The following METTL15 variants were observed in gnomAD, a reference collection of about 807,000 sequenced individuals.
METTL15 encodes 12S rRNA N(4)-cytidine methyltransferase METTL15.
Under a neutral mutation model 38.3 loss-of-function variants are expected in METTL15, and 34 were observed. The observed-to-expected ratio is 0.89, with a 90% CI of 0.68 to 1.18. The LOEUF is 1.18. Among genes scored for constraint, METTL15 ranks in the 50% most tolerant of loss-of-function variants. METTL15 has a pLI of 0.00. For synonymous variants in METTL15, 162 were observed against 170.9 expected (o/e 0.95, Z 0.41); for missense variants, 438 against 498.4 (o/e 0.88, Z 1.15).
At chr11:28,190,456 AAAG>A (rs1016690131) in intron 3 of METTL15, among the ~76,000 whole-genome samples, 23 of 151,190 alleles carry the variant, frequency 1.5e-4, no homozygotes, top group African/African-American at 5.1e-4. Context: ...TTAAGAGTGC[AAAG>A]AAGATCGTTC....
intron 6 of METTL15, chr11:28,517,043 C>T (rs1204819537): frequency 6.6e-6 from 1 of 152,224 alleles, no homozygotes; most frequent in African/African-American, 2.4e-5. Flanking sequence ...ATGGGAACAT[C>T]GAAACATTTC....
intron 3 of METTL15, among the ~76,000 whole-genome samples, chr11:28,159,858 A>T (rs762291902): frequency 1.3e-5 from 2 of 152,142 alleles, no homozygotes; most frequent in Non-Finnish European, 2.9e-5. Flanking sequence ...GGAGATGTGT[A>T]TGAGTTCAAG....
At position 28,194,968 on chromosome 11, in the gene METTL15, G is replaced by A. The variant is rs528994800; in HGVS notation, c.271-16094G>A. 2.0e-3 allele frequency among the ~76,000 whole-genome samples: 302 copies of A among 152,006 alleles called. 1 individual carries two copies. The highest frequency in any genetic ancestry group is 5.9e-3 in the African/African-American group (246 of 41,460). On this transcript the variant is annotated intron_variant, in intron 3 of 6. Transcript: ENST00000407364. ...CATGGAGTATTTGGTTTTCCATTCC[G>A]GAGTTACTTTACTTAGAATAATGAT...
At chr11:28,458,789 A>G (rs1269345526) in intron 6 of METTL15, among the ~76,000 whole-genome samples, 1 of 152,212 alleles carries the variant, frequency 6.6e-6, no homozygotes, top group Non-Finnish European at 1.5e-5. Context: ...CTACATAAAT[A>G]TATTTCTCTT....
intron 4 of METTL15, among the ~76,000 whole-genome samples, chr11:28,270,168 A>G (rs1855585642): frequency 6.6e-6 from 1 of 152,118 alleles, no homozygotes; most frequent in Non-Finnish European, 1.5e-5. Context: ...GAAAATTCAA[A>G]TTTTTATATA....
At chr11:28,226,446 T>C (rs1188063134) in intron 4 of METTL15, among the ~76,000 whole-genome samples, 1 of 151,820 alleles carries the variant, frequency 6.6e-6, no homozygotes, top group African/African-American at 2.4e-5. Flanking sequence ...AATTAGAGAG[T>C]TACAAAAATA....
At chr11:28,343,219 A>G (rs1849968827) in intron 3 of METTL15, among the ~76,000 whole-genome samples, 1 of 152,042 alleles carries the variant, frequency 6.6e-6, no homozygotes, top group African/African-American at 2.4e-5. Context: ...GGAGAAGAAA[A>G]AAAAAAAAAA....
rs142581462 is a variant in METTL15 at position 28,215,660 on chromosome 11, TATA to T, written c.407+4465_407+4467del. Among the ~76,000 whole-genome samples, 658 of 152,206 alleles carry T rather than the reference TATA, an allele frequency of 4.3e-3. 7 individuals carry two copies. Among genetic ancestry groups the T allele is most frequent in the African/African-American group, 0.014 (595 of 41,532 alleles). ...AGCACACTTCCAAGTTAAAGAAAAC[TATA>T]ATGTTTTTGAAGGGCATACAAGAAG... On this transcript the variant is annotated intron_variant, in intron 4 of 6. Coordinates refer to ENST00000407364, the MANE Select transcript of METTL15 (RefSeq NM_001113528.2).
intron 6 of METTL15, among the ~76,000 whole-genome samples, chr11:28,458,076 G>C (rs1251634437): frequency 6.6e-6 from 1 of 152,184 alleles, no homozygotes; most frequent in Non-Finnish European, 1.5e-5. Context: ...TTCATGAGGA[G>C]ATGGGGTGAC....
intron 3 of METTL15, among the ~76,000 whole-genome samples, chr11:28,344,168 T>C (rs558094663): frequency 6.6e-6 from 1 of 152,310 alleles, no homozygotes; most frequent in South Asian, 2.1e-4. Flanking sequence ...TTCCATGATA[T>C]AGTTTTCTCA....
Position 28,113,477 on chromosome 11 carries a change from A to G in METTL15, c.143A>G (p.Gln48Arg), listed in dbSNP as rs1332382844. ...TATAGAGAATATGAAGCCCGGGAGC[A>G]AACAGATCAAACTCAAGCCCAGGAG... ...EKYREYEARE[Q>R]TDQTQAQELH... The change falls in exon 3 of 7, where the codon CAA becomes CGA. Residue 48 changes from glutamine to arginine, a missense_variant. Physicochemically the swap from Gln to Arg is conservative, Grantham distance 43 (BLOSUM62 1). Coordinates refer to ENST00000407364, the MANE Select transcript of METTL15 (RefSeq NM_001113528.2). The G allele has an allele frequency of 1.9e-6, 3 of 1,612,568 alleles. No individual in the cohort carries two copies. The highest frequency in any genetic ancestry group is 2.5e-6 in the Non-Finnish European group (3 of 1,179,842).
At chr11:28,381,270 G>T (rs946626551) in intron 5 of METTL15, among the ~76,000 whole-genome samples, 5 of 152,012 alleles carry the variant, frequency 3.3e-5, no homozygotes, top group African/African-American at 9.7e-5. Flanking sequence ...AGTTGCTGGG[G>T]TTACAAATAT....
At chr11:28,337,258 T>C (rs1265143834), downstream of METTL15, among the ~76,000 whole-genome samples, 1 of 152,098 alleles carries the variant, frequency 6.6e-6, no homozygotes, top group Non-Finnish European at 1.5e-5. Flanking sequence ...AAATTTTTTA[T>C]GTTTTAATTT....
At chr11:28,325,884 T>C (rs1849619194) in intron 6 of METTL15, among the ~76,000 whole-genome samples, 2 of 152,184 alleles carry the variant, frequency 1.3e-5, no homozygotes, top group Non-Finnish European at 2.9e-5. Flanking sequence ...AAACAAGTAA[T>C]TACAGAAGAG....
intron 3 of METTL15, among the ~76,000 whole-genome samples, chr11:28,151,340 C>T (rs529872048): frequency 9.9e-5 from 15 of 152,022 alleles, no homozygotes; most frequent in Admixed American, 2.6e-4. Flanking sequence ...TAATTGGCCA[C>T]TTACTTTCAA....
At chr11:28,147,469 ATAATT>A (rs748336120) in intron 3 of METTL15, among the ~76,000 whole-genome samples, 1 of 151,850 alleles carries the variant, frequency 6.6e-6, no homozygotes, top group Non-Finnish European at 1.5e-5. Context: ...ATGACATGTT[ATAATT>A]TAATTGGCAG....
chr11:28,397,019 G>T (rs1217153245), intron 5 of METTL15, among the ~76,000 whole-genome samples: 1 of 152,084 alleles, frequency 6.6e-6, no homozygotes, highest in Non-Finnish European at 1.5e-5. Context: ...AAATGGTGTT[G>T]GGAAAACTGG....
intron 4 of METTL15, among the ~76,000 whole-genome samples, chr11:28,250,123 A>G (rs972427059): frequency 2.6e-5 from 4 of 152,014 alleles, no homozygotes. Context: ...TCAGTGTACT[A>G]TTGATGGGCA....
At chr11:28,243,731 C>A (rs1321079803) in intron 4 of METTL15, among the ~76,000 whole-genome samples, 1 of 152,062 alleles carries the variant, frequency 6.6e-6, no homozygotes, top group Non-Finnish European at 1.5e-5. Context: ...CTATGCAAAT[C>A]CTAAAATAAT....
Sources: allele counts gnomAD v4.1 joint callset (sites outside exome capture counted in the v4.1 genomes callset), GRCh38; gene constraint gnomAD v4.1.1; transcripts MANE v1.5; gene names NCBI Gene and HGNC (gene_info 2026-07-23, HGNC 2026-07-21).